Variants in FHIT observed in about 807,000 individuals in gnomAD.
FHIT encodes the protein bis(5'-adenosyl)-triphosphatase.
FHIT carries 19 observed loss-of-function variants against 17.9 expected under a neutral mutation model. The ratio of observed to expected loss-of-function variants is 1.06; its 90% CI spans 0.74 to 1.56. The LOEUF is 1.56. Ranked by LOEUF, FHIT falls within the 40% of genes most tolerant of loss-of-function variation. FHIT has a pLI of 0.00. For missense variants in FHIT, 248 were observed against 189.2 expected, an observed-to-expected ratio of 1.31 and a Z score of -1.82; for synonymous variants, 81 against 69.7, an observed-to-expected ratio of 1.16 and a Z score of -0.81.
intron 4 of FHIT, among the ~76,000 whole-genome samples, chr3:60,567,903 A>G (rs2037199606): frequency 6.6e-6 from 1 of 152,226 alleles, no homozygotes; most frequent in African/African-American, 2.4e-5. Context: ...CAAATCCGCA[A>G]TGAGATACCA....
intron 3 of FHIT, among the ~76,000 whole-genome samples, chr3:60,866,217 C>A (rs558047655): frequency 6.6e-6 from 1 of 152,266 alleles, no homozygotes; most frequent in East Asian, 1.9e-4. Flanking sequence ...ATGTGCTACC[C>A]AGCCCCTAAA....
At chr3:60,048,522 T>A (rs1701746273) in intron 5 of FHIT, among the ~76,000 whole-genome samples, 1 of 152,156 alleles carries the variant, frequency 6.6e-6, no homozygotes, top group African/African-American at 2.4e-5. Flanking sequence ...GGTCACATTC[T>A]GAGGTACTGT....
At chr3:60,078,841 G>C (rs1217431581) in intron 5 of FHIT, among the ~76,000 whole-genome samples, 1 of 151,566 alleles carries the variant, frequency 6.6e-6, no homozygotes, top group Non-Finnish European at 1.5e-5. Context: ...AGTAAGTAAA[G>C]TATTAATATC....
At chr3:61,146,614 T>A (rs1389704887) in intron 2 of FHIT, among the ~76,000 whole-genome samples, 1 of 152,054 alleles carries the variant, frequency 6.6e-6, no homozygotes. Context: ...CAATATTTTT[T>A]AACTAATTCT....
intron 4 of FHIT, among the ~76,000 whole-genome samples, chr3:60,760,158 T>C (rs1699592794): frequency 6.6e-6 from 1 of 152,174 alleles, no homozygotes; most frequent in Non-Finnish European, 1.5e-5. Flanking sequence ...TCATATCCTC[T>C]CAGAATTGTC....
chr3:59,920,940 G>T (rs769563190), intron 8 of FHIT, among the ~76,000 whole-genome samples: 2 of 152,160 alleles, frequency 1.3e-5, no homozygotes, highest in African/African-American at 2.4e-5. Context: ...GTCTCCTGGG[G>T]ATTTCCTTAT....
chr3:61,245,250 G>C lies in FHIT; in HGVS notation c.-213+6051C>G, dbSNP rs181018079. Among the ~76,000 whole-genome samples the C allele has an allele frequency of 7.9e-5, 12 of 152,248 alleles. No homozygotes were observed. In the East Asian group the frequency reaches 2.3e-3, roughly 29 times the overall value. On this transcript the variant is annotated intron_variant, in intron 1 of 9. Coordinates refer to ENST00000492590, the MANE Select transcript of FHIT (RefSeq NM_002012.4). ...AAGCATTTCAATGGGTTACCTCACTGAAAACTAAAAACATCCCTCTGCAAT... is the reference window on the plus strand; with the variant it reads ...AAGCATTTCAATGGGTTACCTCACTCAAAACTAAAAACATCCCTCTGCAAT...
At chr3:59,972,558 C>T (rs1261243152) in intron 7 of FHIT, among the ~76,000 whole-genome samples, 3 of 152,178 alleles carry the variant, frequency 2.0e-5, no homozygotes, top group East Asian at 1.9e-4. Context: ...CTGTCTCACA[C>T]GGGGCCAGTC....
rs57549363 is a variant in FHIT, at chr3:59,764,863, AACACACACACACACACACACACACACAC to A, written c.349-12570_349-12543del. Among the ~76,000 whole-genome samples, 85 of 145,792 alleles carry A rather than the reference AACACACACACACACACACACACACACAC, an allele frequency of 5.8e-4. 1 individual carries two copies. Among genetic ancestry groups the A allele is most frequent in the African/African-American group, 1.4e-3 (55 of 38,060 alleles). ...GCAACAGAGATGTAAGGCAACTGCA[AACACACACACACACACACACACACACAC>A]ACACACACACACACACACACACACA... On this transcript the variant is annotated intron_variant, in intron 8 of 9. Coordinates refer to ENST00000492590, the MANE Select transcript of FHIT (RefSeq NM_002012.4).
In FHIT at chr3:60,905,460, A is replaced by G. The variant is rs1482685925; in HGVS notation, c.-110-83449T>C. Among the ~76,000 whole-genome samples the G allele has an allele frequency of 3.3e-5, 5 of 152,336 alleles. No individual in the cohort carries two copies. In the East Asian group the frequency reaches 9.6e-4, roughly 29 times the overall value. Reference sequence around the variant, plus strand: ...ATACCTATCTATATATTTACTTACCAGCAATGTCAGTTACAGCATTCACCC... The same window carrying G: ...ATACCTATCTATATATTTACTTACCGGCAATGTCAGTTACAGCATTCACCC... On this transcript the variant is annotated intron_variant, in intron 3 of 9. Coordinates refer to ENST00000492590, the MANE Select transcript of FHIT (RefSeq NM_002012.4).
chr3:60,441,268 A>C (rs1559915348), intron 5 of FHIT, among the ~76,000 whole-genome samples: 1 of 152,070 alleles, frequency 6.6e-6, no homozygotes, highest in Admixed American at 6.6e-5. Flanking sequence ...TGGCTGTACT[A>C]CCAGTAAGTT....
At position 60,299,764 on chromosome 3, in the gene FHIT, G is replaced by T. The variant is rs544776791; in HGVS notation, c.103+237096C>A. Among the ~76,000 whole-genome samples the T allele has an allele frequency of 5.9e-5, 9 of 152,224 alleles. No individual in the cohort carries two copies. The East Asian group carries it at 1.4e-3, about 23-fold the overall frequency. ...TCTGTAATACCAACCTGACAAGGAG[G>T]CTGGAGTGGCTCATTACATCCCAGT... On this transcript the variant is annotated intron_variant, in intron 5 of 9. Coordinates refer to ENST00000492590, the MANE Select transcript of FHIT (RefSeq NM_002012.4).
At chr3:60,922,809 C>T (rs1707351723) in intron 3 of FHIT, among the ~76,000 whole-genome samples, 1 of 152,120 alleles carries the variant, frequency 6.6e-6, no homozygotes, top group Non-Finnish European at 1.5e-5. Flanking sequence ...ACTTCCAGAA[C>T]CAGTAATGAA....
chr3:60,875,923 ATGTGTGTG>A lies in FHIT; in HGVS notation c.-110-53920_-110-53913del, dbSNP rs60177380. Among the ~76,000 whole-genome samples the A allele has an allele frequency of 2.6e-3, 350 of 136,900 alleles. 4 individuals carry two copies. The highest frequency in any genetic ancestry group is 8.2e-3 in the South Asian group (31 of 3,770). The allele number at this position is 136,900 out of a possible 152,430, so 89.8% of individuals were successfully genotyped here. A position where few individuals can be genotyped will look rare whatever the true frequency, so the allele number is the denominator to read the frequency against. ...ATTTTTAGCTAAGGAAAACTTATTC[ATGTGTGTG>A]TGTGTGTGTGTGTGTGTGTGTGTGT... is the stretch of plus-strand genomic sequence containing the variant. On this transcript the variant is annotated intron_variant, in intron 3 of 9. Coordinates refer to ENST00000492590, the MANE Select transcript of FHIT (RefSeq NM_002012.4).
At chr3:59,971,364 C>T (rs1575791315) in intron 7 of FHIT, among the ~76,000 whole-genome samples, 1 of 152,150 alleles carries the variant, frequency 6.6e-6, no homozygotes, top group African/African-American at 2.4e-5. Flanking sequence ...TGTGGAAGGC[C>T]TTATAATGAG....
intron 4 of FHIT, among the ~76,000 whole-genome samples, chr3:60,606,776 G>A (rs565990018): frequency 7.9e-5 from 12 of 152,232 alleles, no homozygotes; most frequent in East Asian, 1.9e-4. Flanking sequence ...CTCACTCATT[G>A]CTGTAATGGC....
chr3:60,734,170 A>T (rs34831979), intron 4 of FHIT, among the ~76,000 whole-genome samples: 7,066 of 106,630 alleles, frequency 0.066, 216 homozygotes, highest in Middle Eastern at 0.1. Flanking sequence ...TGTGACAGAC[A>T]TCATTAAGTG....
chr3:60,423,222 A>G (rs890362410), intron 5 of FHIT, among the ~76,000 whole-genome samples: 1 of 152,118 alleles, frequency 6.6e-6, no homozygotes, highest in African/African-American at 2.4e-5. Flanking sequence ...TAGATGGTAG[A>G]GTAGAGAGAC....
At chr3:59,921,791 A>AATGGGAGTTG (rs1186227971) in intron 8 of FHIT, among the ~76,000 whole-genome samples, 45 of 152,216 alleles carry the variant, frequency 3.0e-4, no homozygotes, top group Non-Finnish European at 2.1e-4. Flanking sequence ...TAGTGGTTTC[A>AATGGGAGTTG]CACTTGTATC....
Sources: allele counts gnomAD v4.1 joint callset (sites outside exome capture counted in the v4.1 genomes callset), GRCh38; gene constraint gnomAD v4.1.1; transcripts MANE v1.5; gene names NCBI Gene and HGNC (gene_info 2026-07-23, HGNC 2026-07-21).